STAT4: variants seen among roughly 807,000 people sequenced by gnomAD.
STAT4 encodes the protein signal transducer and activator of transcription 4.
STAT4 carries 42 observed loss-of-function variants against 110.5 expected under a neutral mutation model. That is an observed-to-expected ratio of 0.38 (90% CI 0.30 to 0.49). The LOEUF (loss-of-function observed/expected upper bound fraction) is 0.49. Among genes scored for constraint, STAT4 ranks in the 20% least tolerant of loss-of-function variants. The pLI, the probability that STAT4 is intolerant of heterozygous loss-of-function variation, is 0.95. For synonymous variants in STAT4, 284 were observed against 302.2 expected (o/e 0.94, Z 0.63); for missense variants, 632 against 887.9 (o/e 0.71, Z 3.66).
chr2:191,145,781 A>G (rs1699445827), intron 3 of STAT4, among the ~76,000 whole-genome samples: 1 of 152,220 alleles, frequency 6.6e-6, no homozygotes, highest in South Asian at 2.1e-4. Flanking sequence ...GGCACAAAGC[A>G]CTTTTTCTGT....
chr2:191,036,352 G>A (rs974591713), intron 16 of STAT4, 53 bp from the exon 17 acceptor site: 105 of 1,590,336 alleles, frequency 6.6e-5, no homozygotes, highest in Admixed American at 8.5e-5. Flanking sequence ...TGGGTAGCTA[G>A]TGAGGTGTGA....
rs1164434562 is a variant in STAT4 at position 191,050,511 on chromosome 2, AC to A, written c.1251+3978del. ...TCATTTTTAAAAATCTAAAGCTCCT[AC>A]CCTATGTTGCACTTCTGAGGATTAA... On this transcript the variant is annotated intron_variant, in intron 14 of 23. Coordinates refer to ENST00000392320, the MANE Select transcript of STAT4 (RefSeq NM_003151.4). This position sits in a 1 kb window ranked among gnomAD's most constrained non-coding sequence, Gnocchi z 4.3. 6.6e-6 allele frequency among the ~76,000 whole-genome samples: 1 copy of A among 152,046 alleles called. No homozygotes were observed. The highest frequency in any genetic ancestry group is 1.5e-5 in the Non-Finnish European group (1 of 68,002).
rs1699577901 is a variant in STAT4, at chr2:191,150,893, A to G, written c.-2+54T>C. The G allele has an allele frequency of 2.0e-6, 2 of 981,712 alleles. No individual in the cohort carries two copies. The highest frequency in any genetic ancestry group is 2.4e-6 in the Non-Finnish European group (2 of 826,622). The allele number at this position is 981,712 out of a possible 1,614,324, so 60.8% of individuals were successfully genotyped here. On this transcript the variant is annotated intron_variant, in intron 1 of 23. Coordinates refer to ENST00000392320, the MANE Select transcript of STAT4 (RefSeq NM_003151.4). The surrounding 1 kb of genome is among the most constrained non-coding windows in gnomAD (Gnocchi z 6.4). The stretch of plus-strand genomic sequence containing the variant: ...GCAAAGCTTCAGAGTATCCTGCATA[A>G]TAAGCATGTCCTCCTTACAAGAGGC...
chr2:191,146,767 A>G lies in STAT4; in HGVS notation c.129-10T>C. The G allele has an allele frequency of 1.3e-6, 2 of 1,538,336 alleles. No individual in the cohort carries two copies. Among genetic ancestry groups the G allele is most frequent in the Non-Finnish European group, 8.7e-7 (1 of 1,148,132 alleles). ...GTTAGAAGCTGCCTCCCTAAAAAAA[A>G]AAAGGATTATTACACAACAGAAAAC... On this transcript the variant is annotated splice_polypyrimidine_tract_variant and intron_variant, in intron 2 of 23. Coordinates refer to ENST00000392320, the MANE Select transcript of STAT4 (RefSeq NM_003151.4). This position sits in a 1 kb window ranked among gnomAD's most constrained non-coding sequence, Gnocchi z 4.5.
At chr2:191,088,725 G>A (rs1454627376) in intron 3 of STAT4, among the ~76,000 whole-genome samples, 2 of 152,128 alleles carry the variant, frequency 1.3e-5, no homozygotes, top group African/African-American at 4.8e-5. Context: ...TAAAAGAATG[G>A]ACAGATAGAT....
rs12998748 is a variant in STAT4, at chr2:191,083,911, G to T, written c.274-7586C>A. Among the ~76,000 whole-genome samples, 10,289 of 152,188 alleles carry T rather than the reference G, an allele frequency of 0.068. 427 individuals carry two copies. Among genetic ancestry groups the T allele is most frequent in the Middle Eastern group, 0.12 (34 of 294 alleles). Reference sequence around the variant, plus strand: ...ATTATTGCTAAAATAAAACAGCAATGTCTTCAGAATTTAGACATTTGGCCT... The same window carrying T: ...ATTATTGCTAAAATAAAACAGCAATTTCTTCAGAATTTAGACATTTGGCCT... On this transcript the variant is annotated intron_variant, in intron 3 of 23. Transcript: ENST00000392320. This position sits in a 1 kb window ranked among gnomAD's most constrained non-coding sequence, Gnocchi z 4.6.
At position 191,053,382 on chromosome 2, in the gene STAT4, G is replaced by A. The variant is rs1330607297; in HGVS notation, c.1251+1108C>T. Among the ~76,000 whole-genome samples, 1 of 152,150 alleles carries A rather than the reference G, an allele frequency of 6.6e-6. No individual in the cohort carries two copies. The highest frequency in any genetic ancestry group is 1.5e-5 in the Non-Finnish European group (1 of 68,028). ...TTCCTCATCAGTTCATTTGCCAAAC[G>A]TCACATTTTCAGGCCCTGGCAGAGC... On this transcript the variant is annotated intron_variant, in intron 14 of 23. Transcript: ENST00000392320. This position sits in a 1 kb window ranked among gnomAD's most constrained non-coding sequence, Gnocchi z 4.5.
chr2:191,074,489 A>G (rs1005102531), intron 4 of STAT4, among the ~76,000 whole-genome samples: 3 of 152,206 alleles, frequency 2.0e-5, no homozygotes, highest in African/African-American at 2.4e-5. Context: ...ATGTGGTATT[A>G]GCAAATTATT....
intron 3 of STAT4, among the ~76,000 whole-genome samples, chr2:191,094,296 C>T (rs1288184089): frequency 2.6e-5 from 4 of 152,116 alleles, no homozygotes; most frequent in African/African-American, 9.7e-5. Context: ...ATCAGATTCA[C>T]CAAAGTTGAA....
chr2:191,105,567 T>C (rs1198623238), intron 3 of STAT4, among the ~76,000 whole-genome samples: 4 of 152,178 alleles, frequency 2.6e-5, no homozygotes, highest in African/African-American at 9.7e-5. Flanking sequence ...ATAAAATACA[T>C]AAAACACAGC....
rs1696011401 is a variant in STAT4 at position 191,035,213 on chromosome 2, C to A, written c.1571-616G>T. On this transcript the variant is annotated intron_variant, in intron 17 of 23. Coordinates refer to ENST00000392320, the MANE Select transcript of STAT4 (RefSeq NM_003151.4). This position sits in a 1 kb window ranked among gnomAD's most constrained non-coding sequence, Gnocchi z 4.7. ...TGAAAGGATATGGTTTCTATCTATA[C>A]TACATGTTTAAAAGCTTTAGTCACT... is the stretch of plus-strand genomic sequence containing the variant. Among the ~76,000 whole-genome samples, 1 of 152,208 alleles carries A rather than the reference C, an allele frequency of 6.6e-6. No individual in the cohort carries two copies. Among genetic ancestry groups the A allele is most frequent in the Non-Finnish European group, 1.5e-5 (1 of 68,040 alleles).
Position 191,058,707 on chromosome 2 carries a change from T to C in STAT4, c.1094+3A>G, listed in dbSNP as rs758442268. 6.4e-7 allele frequency: 1 copy of C among 1,574,134 alleles called. No homozygotes were observed. The highest frequency in any genetic ancestry group is 8.6e-7 in the Non-Finnish European group (1 of 1,157,108). On this transcript the variant is annotated splice_donor_region_variant and intron_variant, in intron 11 of 23. Transcript: ENST00000392320. This position sits in a 1 kb window ranked among gnomAD's most constrained non-coding sequence, Gnocchi z 4.3. ...TAATTCAAAACGAAATTAGAAAACTTACTTGTCAATTGATGCCTTAACCTT... is the reference window on the plus strand; with the variant it reads ...TAATTCAAAACGAAATTAGAAAACTCACTTGTCAATTGATGCCTTAACCTT...
rs150296430 is a variant in STAT4 at position 191,100,592 on chromosome 2, G to A, written c.274-24267C>T. On this transcript the variant is annotated intron_variant, in intron 3 of 23. Transcript: ENST00000392320. Reference sequence around the variant, plus strand: ...AGCATCAGAGCCTTTTCTGCTTACTGGTTTTGGCTTCCATGACTATTTCTA... The same window carrying A: ...AGCATCAGAGCCTTTTCTGCTTACTAGTTTTGGCTTCCATGACTATTTCTA... Among the ~76,000 whole-genome samples, 18 of 152,182 alleles carry A rather than the reference G, an allele frequency of 1.2e-4. No homozygotes were observed. The East Asian group carries it at 3.5e-3, about 29-fold the overall frequency.
At chr2:191,076,158 A>T (rs1346042317) in intron 4 of STAT4, 69 bp downstream of exon 4, 11 of 1,307,956 alleles carry the variant, frequency 8.4e-6, no homozygotes, top group Non-Finnish European at 1.2e-5. Flanking sequence ...CCTACCAAAG[A>T]TAATAATTTC....
Position 191,031,572 on chromosome 2 carries a change from ACTGGGG to A in STAT4, c.2045-62_2045-57del. 1 of 1,456,600 alleles carries A rather than the reference ACTGGGG, an allele frequency of 6.9e-7. No homozygotes were observed. The highest frequency in any genetic ancestry group is 1.8e-5 in the Admixed American group (1 of 54,988). 90.2% of individuals were successfully genotyped at this position (1,456,600 alleles called of 1,614,324 possible). A position where few individuals can be genotyped will look rare whatever the true frequency, so the allele number is the denominator to read the frequency against. On this transcript the variant is annotated intron_variant, in intron 21 of 23. Coordinates refer to ENST00000392320, the MANE Select transcript of STAT4 (RefSeq NM_003151.4). This position sits in a 1 kb window ranked among gnomAD's most constrained non-coding sequence, Gnocchi z 4.8. ...AAAAAATGTCAATATTATCAATAAA[ACTGGGG>A]AAAAAAGAGTCTAGAAAAATATTAA...
Position 191,029,615 on chromosome 2 carries a change from T to G in STAT4, c.*225A>C, listed in dbSNP as rs936740485. 5.7e-6 allele frequency: 3 copies of G among 526,644 alleles called. No individual in the cohort carries two copies. The highest frequency in any genetic ancestry group is 9.9e-6 in the Non-Finnish European group (3 of 304,090). The allele number at this position is 526,644 out of a possible 1,614,324, so 32.6% of individuals were successfully genotyped here. ...TGTTATTAACACTGGTTTCTTAAAG[T>G]TGTCTTATCTTGCAAGTTTATCTGA... On this transcript the variant is annotated 3_prime_UTR_variant, in exon 24 of 24. Transcript: ENST00000392320. This position sits in a 1 kb window ranked among gnomAD's most constrained non-coding sequence, Gnocchi z 4.5.
chr2:191,075,376 A>G (rs182982100), intron 4 of STAT4, among the ~76,000 whole-genome samples: 88 of 152,318 alleles, frequency 5.8e-4, no homozygotes, highest in African/African-American at 2.1e-3. Context: ...GGGATAAAAT[A>G]TAATCTAAAC....
Position 191,050,935 on chromosome 2 carries a change from T to C in STAT4, c.1251+3555A>G, listed in dbSNP as rs1696505306. 1.3e-5 allele frequency among the ~76,000 whole-genome samples: 2 copies of C among 152,228 alleles called. No individual in the cohort carries two copies. The highest frequency in any genetic ancestry group is 6.5e-5 in the Admixed American group (1 of 15,280). ...CTGGAATGGCAACTTAGTGAAACTA[T>C]CATTTATGACATCTTTGTCCATTGT... On this transcript the variant is annotated intron_variant, in intron 14 of 23. Transcript: ENST00000392320. This position sits in a 1 kb window ranked among gnomAD's most constrained non-coding sequence, Gnocchi z 4.3.
rs1223982839 is a variant in STAT4 at position 191,086,231 on chromosome 2, T to C, written c.274-9906A>G. 6.6e-6 allele frequency among the ~76,000 whole-genome samples: 1 copy of C among 152,192 alleles called. No homozygotes were observed. The highest frequency in any genetic ancestry group is 1.5e-5 in the Non-Finnish European group (1 of 68,030). On this transcript the variant is annotated intron_variant, in intron 3 of 23. Transcript: ENST00000392320. The surrounding 1 kb of genome is among the most constrained non-coding windows in gnomAD (Gnocchi z 5.5). ...AAGCCCTTTGGAAAAACTGGCCTTC[T>C]ATCTTGTCCTTCACAGGGTTCTTGA...
Sources: allele counts gnomAD v4.1 joint callset (sites outside exome capture counted in the v4.1 genomes callset), GRCh38; gene constraint gnomAD v4.1.1; non-coding constraint Gnocchi (gnomAD v3.1); transcripts MANE v1.5; gene names NCBI Gene and HGNC (gene_info 2026-07-23, HGNC 2026-07-21).